Variants in RSRC2 observed in about 807,000 individuals in gnomAD.
RSRC2 encodes the protein arginine and serine rich coiled-coil 2, also known as arginine/serine-rich coiled-coil protein 2.
In RSRC2, 5 loss-of-function variants were observed where a neutral mutation model predicts 61.3. The ratio of observed to expected loss-of-function variants is 0.08; its 90% CI spans 0.04 to 0.17. The LOEUF (loss-of-function observed/expected upper bound fraction) is 0.17, where lower values mean the gene tolerates loss of function less well. Among genes scored for constraint, RSRC2 ranks in the 10% least tolerant of loss-of-function variants. The probability of loss-of-function intolerance (pLI) is 1.00; values close to 1 mark genes in which losing one functional copy is unlikely to be tolerated. For missense variants in RSRC2, 381 were observed against 518.8 expected, an observed-to-expected ratio of 0.73 and a Z score of 2.58; for synonymous variants, 202 against 166.5, an observed-to-expected ratio of 1.21 and a Z score of -1.64.
chr12:122,511,147 T>G lies in RSRC2; in HGVS notation c.767A>C (p.Glu256Ala). Reference protein sequence around the residue: ...AKKLQEQREKEMVEKQKQQEI... With the variant: ...AKKLQEQREKAMVEKQKQQEI... Reference sequence around the variant, plus strand: ...TTGTTGTTTTTGTTTTTCAACCATTTCCTTTTCTCGCTGTTCTTGTAATTT... The same window carrying G: ...TTGTTGTTTTTGTTTTTCAACCATTGCCTTTTCTCGCTGTTCTTGTAATTT... The change falls in exon 7 of 10, where the codon GAA becomes GCA. Residue 256 changes from glutamate (E) to alanine (A), a missense_variant. Physicochemically the swap from Glu to Ala is moderately radical, Grantham distance 107. Transcript: ENST00000331738. 6.2e-7 allele frequency: 1 copy of G among 1,608,396 alleles called. No individual in the cohort carries two copies. Among genetic ancestry groups the G allele is most frequent in the Non-Finnish European group, 8.5e-7 (1 of 1,179,512 alleles).
At chr12:122,512,499 G>T (rs1270731638) in intron 6 of RSRC2, among the ~76,000 whole-genome samples, 1 of 152,134 alleles carries the variant, frequency 6.6e-6, no homozygotes, top group Non-Finnish European at 1.5e-5. Flanking sequence ...AGGCTGAGGT[G>T]GGTGGATCAC....
At chr12:122,517,521 TAA>T in intron 4 of RSRC2, 91 bp from the exon 5 acceptor site, 2 of 1,489,162 alleles carry the variant, frequency 1.3e-6, no homozygotes, top group Admixed American at 1.9e-5. Context: ...AGTAACGCAA[TAA>T]AGACAAGCAA....
chr12:122,514,896 A>G (rs900602693), intron 6 of RSRC2: 18 of 702,824 alleles, frequency 2.6e-5, no homozygotes, highest in African/African-American at 5.5e-5. Flanking sequence ...CATGAAGGAA[A>G]AAACAGAAAT....
At chr12:122,506,746 TA>T in intron 9 of RSRC2, 87 bp downstream of exon 9, 1 of 801,362 alleles carries the variant, frequency 1.2e-6, no homozygotes, top group Non-Finnish European at 2.1e-6. Context: ...GACACCTGAG[TA>T]AAGACCAGAA....
At chr12:122,520,616 G>A (rs1367581003) in intron 3 of RSRC2, 1 of 1,309,432 alleles carries the variant, frequency 7.6e-7, no homozygotes, top group Non-Finnish European at 1.0e-6. Flanking sequence ...GTTATCATGT[G>A]AGCTAAACAA....
At chr12:122,520,335 G>A (rs1012396968) in intron 3 of RSRC2, 8 of 363,518 alleles carry the variant, frequency 2.2e-5, no homozygotes, top group African/African-American at 1.1e-4. Flanking sequence ...TTGCTATAAC[G>A]AGGCAGACTG....
In RSRC2 at chr12:122,521,440, C is replaced by CA. The variant is rs575014724; in HGVS notation, c.164-13dup. 2.2e-4 allele frequency: 353 copies of CA among 1,606,218 alleles called. 1 individual carries two copies. The highest frequency in any genetic ancestry group is 1.3e-3 in the South Asian group (117 of 90,768). On this transcript the variant is annotated splice_polypyrimidine_tract_variant and intron_variant, in intron 2 of 9. Transcript: ENST00000331738. ...TCTTCCTTCATTATCTGTGAATACA[C>CA]AAAAAAAATAATCACCATAAACAAA... is the stretch of plus-strand genomic sequence containing the variant.
intron 2 of RSRC2, 143 bp from the exon 3 acceptor site, chr12:122,521,571 C>T: frequency 2.9e-6 from 2 of 690,886 alleles, no homozygotes; most frequent in Non-Finnish European, 2.6e-6. Context: ...TGGGATTATT[C>T]TACATTAATA....
At chr12:122,510,290 G>A (rs1034375215) in intron 7 of RSRC2, among the ~76,000 whole-genome samples, 2 of 152,120 alleles carry the variant, frequency 1.3e-5, no homozygotes, top group African/African-American at 4.8e-5. Flanking sequence ...CCAGCACTTC[G>A]GGAGGCCAAG....
chr12:122,508,095 C>T lies in RSRC2; in HGVS notation c.1035+123G>A, dbSNP rs1239906427. ...TGGGATTAAAGGCATAAGCCACCCG[C>T]GTCTGGCCACCCCAGGTTCTTACAA... On this transcript the variant is annotated intron_variant, in intron 8 of 9. Coordinates refer to ENST00000331738, the MANE Select transcript of RSRC2 (RefSeq NM_023012.6). The T allele has an allele frequency of 7.0e-6, 6 of 856,466 alleles. No individual in the cohort carries two copies. In the African/African-American group the frequency reaches 8.4e-5, roughly 12 times the overall value. The allele number at this position is 856,466 out of a possible 1,614,324, so 53.1% of individuals were successfully genotyped here. A position where few individuals can be genotyped will look rare whatever the true frequency, so the allele number is the denominator to read the frequency against.
At position 122,504,596 on chromosome 12, in the gene RSRC2, C is replaced by T. The variant is rs1424391992; in HGVS notation, c.*931G>A. The T allele has an allele frequency of 6.6e-6, 1 of 152,036 alleles. No homozygotes were observed. 9.4% of individuals were successfully genotyped at this position (152,036 alleles called of 1,614,324 possible). On this transcript the variant is annotated 3_prime_UTR_variant, in exon 10 of 10. Transcript: ENST00000331738. ...GTGAGCCGAGATTGTGCCACTGCACCCAGTTTAGGCAACAGAGCAAGATCC... is the reference window on the plus strand; with the variant it reads ...GTGAGCCGAGATTGTGCCACTGCACTCAGTTTAGGCAACAGAGCAAGATCC...
rs1430082972 is a variant in RSRC2 at position 122,505,525 on chromosome 12, T to C, written c.*2A>G. 6.2e-7 allele frequency: 1 copy of C among 1,613,104 alleles called. No individual in the cohort carries two copies. The highest frequency in any genetic ancestry group is 1.1e-5 in the South Asian group (1 of 90,922). On this transcript the variant is annotated 3_prime_UTR_variant, in exon 10 of 10. Transcript: ENST00000331738. ...TCCCAAACTTTACAAGTGTGATCAT[T>C]TTCAAACTGCATCCATTCCTCGCAT...
At chr12:122,524,638 A>G (rs1959786832) in intron 1 of RSRC2, among the ~76,000 whole-genome samples, 1 of 152,184 alleles carries the variant, frequency 6.6e-6, no homozygotes, top group Non-Finnish European at 1.5e-5. Flanking sequence ...AAAATATACT[A>G]CAGAGCAACA....
Position 122,516,230 on chromosome 12 carries a change from G to A in RSRC2, c.602+997C>T, listed in dbSNP as rs538960964. Among the ~76,000 whole-genome samples the A allele has an allele frequency of 5.3e-5, 8 of 152,212 alleles. No homozygotes were observed. The South Asian group carries it at 6.2e-4, about 12-fold the overall frequency. ...CCTAAGTTGCAATCAATTTACAAAA[G>A]TCAGTATACTACTGTCATATGTAAA... On this transcript the variant is annotated intron_variant, in intron 5 of 9. Coordinates refer to ENST00000331738, the MANE Select transcript of RSRC2 (RefSeq NM_023012.6).
chr12:122,514,263 T>C (rs1413832692), intron 6 of RSRC2, among the ~76,000 whole-genome samples: 1 of 118,732 alleles, frequency 8.4e-6, no homozygotes, highest in Non-Finnish European at 2.0e-5. Context: ...TGTGTGTGTG[T>C]GTGTGTGTTT....
intron 6 of RSRC2, 93 bp from the exon 7 acceptor site, chr12:122,511,281 C>T: frequency 1.1e-6 from 1 of 896,772 alleles, no homozygotes; most frequent in Non-Finnish European, 1.6e-6. Flanking sequence ...GACAAGCCAA[C>T]TTCCATAAAA....
chr12:122,516,905 C>T (rs1159732137), intron 5 of RSRC2, among the ~76,000 whole-genome samples: 2 of 152,148 alleles, frequency 1.3e-5, no homozygotes, highest in East Asian at 3.9e-4. Flanking sequence ...ATTGCCCAGG[C>T]TGGTCTTGAA....
At chr12:122,521,818 T>A (rs1457750095) in intron 2 of RSRC2, among the ~76,000 whole-genome samples, 1 of 152,206 alleles carries the variant, frequency 6.6e-6, no homozygotes, top group Non-Finnish European at 1.5e-5. Flanking sequence ...TGTTCCAACA[T>A]GGTGAAACCC....
At chr12:122,525,816 T>G (rs1158245697) in intron 1 of RSRC2, among the ~76,000 whole-genome samples, 1 of 6,654 alleles carries the variant, frequency 1.5e-4, no homozygotes, top group Non-Finnish European at 2.4e-4. Context: ...TTTTTTTTTT[T>G]TTTTTTTTTT....
Sources: gnomAD v4.1 joint callset for allele counts (sites outside exome capture counted in the v4.1 genomes callset) on GRCh38, gnomAD v4.1.1 for gene constraint, MANE v1.5 for transcripts, NCBI Gene and HGNC (gene_info 2026-07-23, HGNC 2026-07-21) for gene names.